Variants in COL5A1 observed in about 807,000 individuals in gnomAD.
COL5A1 encodes the protein collagen type V alpha 1 chain, also known as collagen alpha-1(V) chain.
A neutral mutation model predicts 263.7 loss-of-function variants in COL5A1; 16 were observed. The observed-to-expected ratio is 0.06, with a 90% CI of 0.04 to 0.09. The LOEUF is 0.09. Among genes scored for constraint, COL5A1 ranks in the 10% least tolerant of loss-of-function variants. The pLI is 1.00. For missense variants in COL5A1, 2,036 were observed against 2,540.5 expected, an observed-to-expected ratio of 0.80 and a Z score of 4.27; for synonymous variants, 1,012 against 1,004.5, an observed-to-expected ratio of 1.01 and a Z score of -0.14.
chr9:134,717,380 C>T (rs914369731), intron 4 of COL5A1, among the ~76,000 whole-genome samples: 2 of 152,258 alleles, frequency 1.3e-5, no homozygotes, highest in Admixed American at 1.3e-4. Context: ...TCCCAGCAGC[C>T]TCTGGGGCCA....
rs964286958 is a variant in COL5A1 at position 134,758,767 on chromosome 9, G to C, written c.1935+471G>C. Reference sequence around the variant, plus strand: ...ACGAAAACATGCCAGGTGTCCCCCTGTTCCCTGTTAATGGGCGTGGATGAA... The same window carrying C: ...ACGAAAACATGCCAGGTGTCCCCCTCTTCCCTGTTAATGGGCGTGGATGAA... On this transcript the variant is annotated intron_variant, in intron 18 of 65. Transcript: ENST00000371817. This position sits in a 1 kb window ranked among gnomAD's most constrained non-coding sequence, Gnocchi z 4.1. 2.0e-5 allele frequency among the ~76,000 whole-genome samples: 3 copies of C among 152,302 alleles called. No homozygotes were observed. In the South Asian group the frequency reaches 6.2e-4, roughly 32 times the overall value.
chr9:134,713,086 A>G (rs1444111732), intron 4 of COL5A1, among the ~76,000 whole-genome samples: 1 of 152,222 alleles, frequency 6.6e-6, no homozygotes, highest in Admixed American at 6.5e-5. Flanking sequence ...GTGTTTGGAA[A>G]TACTTTTTGG....
intron 57 of COL5A1, 111 bp from the exon 58 acceptor site, chr9:134,820,005 T>C (rs993300597): frequency 7.1e-6 from 6 of 847,488 alleles, no homozygotes; most frequent in Non-Finnish European, 1.2e-5. Flanking sequence ...AGGCTGACCA[T>C]GATGTAAAGC....
chr9:134,651,306 G>C (rs555486457), intron 1 of COL5A1, among the ~76,000 whole-genome samples: 2 of 152,264 alleles, frequency 1.3e-5, no homozygotes, highest in South Asian at 4.1e-4. Flanking sequence ...AACACCATTT[G>C]ACCCAACAAT....
chr9:134,691,515 C>T (rs759470982), intron 2 of COL5A1: 12 of 200,682 alleles, frequency 6.0e-5, no homozygotes, highest in Non-Finnish European at 9.3e-5. Context: ...AATCAAACGT[C>T]GTGACTCCTA....
At chr9:134,810,481 G>T (rs957924144) in intron 44 of COL5A1, 173 bp downstream of exon 44, 3 of 624,446 alleles carry the variant, frequency 4.8e-6, no homozygotes, top group Non-Finnish European at 8.6e-6. Flanking sequence ...GTGCACACGC[G>T]TGCATATCTG....
Position 134,800,676 on chromosome 9 carries a change from T to A in COL5A1, c.2953-1278T>A, listed in dbSNP as rs911420746. 3.9e-5 allele frequency among the ~76,000 whole-genome samples: 5 copies of A among 129,464 alleles called. No homozygotes were observed. The Admixed American group carries it at 4.8e-4, about 12-fold the overall frequency. The allele number at this position is 129,464 out of a possible 152,430, so 84.9% of individuals were successfully genotyped here. A position where few individuals can be genotyped will look rare whatever the true frequency, so the allele number is the denominator to read the frequency against. ...AGGAGAATCGCTTGAATCCGGGAGG[T>A]GGAGGCTGCCGTGAGCCGAGATCGT... On this transcript the variant is annotated intron_variant, in intron 37 of 65. Coordinates refer to ENST00000371817, the MANE Select transcript of COL5A1 (RefSeq NM_000093.5).
chr9:134,701,120 G>T (rs747023769), intron 3 of COL5A1, 51 bp from the exon 4 acceptor site: 8 of 1,602,710 alleles, frequency 5.0e-6, no homozygotes, highest in South Asian at 1.1e-5. Context: ...AAAATTGCTT[G>T]AGCTGGCATC....
intron 65 of COL5A1, among the ~76,000 whole-genome samples, chr9:134,840,018 C>T (rs1014414510): frequency 2.0e-5 from 3 of 152,264 alleles, no homozygotes; most frequent in Non-Finnish European, 2.9e-5. Flanking sequence ...CTGTCAAGTC[C>T]GGGGGTGCCC....
At chr9:134,708,621 C>T (rs55960630) in intron 4 of COL5A1, 52,290 of 518,694 alleles carry the variant, frequency 0.1, 2,971 homozygotes, top group African/African-American at 0.16. Context: ...CCCCTGGCAG[C>T]GGAACACCAG....
At chr9:134,772,692 T>C in intron 25 of COL5A1, 98 bp from the exon 26 acceptor site, 1 of 1,268,430 alleles carries the variant, frequency 7.9e-7, no homozygotes, top group Non-Finnish European at 1.2e-6. Flanking sequence ...GGAAGGGAAA[T>C]GGGCTCCATG....
At chr9:134,781,742 G>T (rs1218948833) in intron 28 of COL5A1, among the ~76,000 whole-genome samples, 1 of 152,178 alleles carries the variant, frequency 6.6e-6, no homozygotes, top group Non-Finnish European at 1.5e-5. Flanking sequence ...TGTGGCCGCT[G>T]CTCAGCTTCC....
At chr9:134,727,507 G>T in intron 5 of COL5A1, 110 bp downstream of exon 5, 1 of 1,234,172 alleles carries the variant, frequency 8.1e-7, no homozygotes, top group Non-Finnish European at 1.2e-6. Flanking sequence ...TCCACTGGGT[G>T]AGAATTTGGA....
At chr9:134,671,758 C>T (rs1832544954) in intron 1 of COL5A1, among the ~76,000 whole-genome samples, 1 of 152,236 alleles carries the variant, frequency 6.6e-6, no homozygotes, top group East Asian at 1.9e-4. Flanking sequence ...TGTTTTGCAG[C>T]ATTTAATAGG....
Position 134,813,231 on chromosome 9 carries a change from T to C in COL5A1, c.3852+519T>C, listed in dbSNP as rs146826413. Among the ~76,000 whole-genome samples, 472 of 152,164 alleles carry C rather than the reference T, an allele frequency of 3.1e-3. 3 individuals carry two copies. Among genetic ancestry groups the C allele is most frequent in the African/African-American group, 0.011 (456 of 41,512 alleles). On this transcript the variant is annotated intron_variant, in intron 48 of 65. Transcript: ENST00000371817. ...GTGCCTGTGTGTGTGAGCTCCTGTG[T>C]GCACATCGGTGCATGTGTGTGTGCC...
At chr9:134,804,381 A>G (rs1466319797) in intron 39 of COL5A1, among the ~76,000 whole-genome samples, 6 of 152,150 alleles carry the variant, frequency 3.9e-5, no homozygotes, top group Non-Finnish European at 7.3e-5. Context: ...TTTTTTTCAG[A>G]AAATGTGGTT....
At chr9:134,816,879 AG>A in intron 52 of COL5A1, 146 bp from the exon 53 acceptor site, 1 of 746,014 alleles carries the variant, frequency 1.3e-6, no homozygotes, top group Non-Finnish European at 2.4e-6. Context: ...ACACTGTCTT[AG>A]GACCCTCTGT....
At chr9:134,840,237 T>C (rs756385294) in intron 65 of COL5A1, among the ~76,000 whole-genome samples, 1 of 152,154 alleles carries the variant, frequency 6.6e-6, no homozygotes, top group Non-Finnish European at 1.5e-5. Flanking sequence ...AATCCCAACT[T>C]GAAAATCATG....
chr9:134,722,720 A>G (rs1392713419), intron 4 of COL5A1, among the ~76,000 whole-genome samples: 3 of 152,240 alleles, frequency 2.0e-5, no homozygotes, highest in African/African-American at 7.2e-5. Flanking sequence ...CATGTTGCTT[A>G]ATAAAAGTGT....
Sources: gnomAD v4.1 joint callset for allele counts (sites outside exome capture counted in the v4.1 genomes callset) on GRCh38, gnomAD v4.1.1 for gene constraint, Gnocchi (gnomAD v3.1) non-coding constraint, MANE v1.5 for transcripts, NCBI Gene and HGNC (gene_info 2026-07-23, HGNC 2026-07-21) for gene names.